LRRC37A2: variants seen among roughly 807,000 people sequenced by gnomAD.
LRRC37A2 encodes leucine-rich repeat-containing protein 37A2.
In LRRC37A2, 9 loss-of-function variants were observed where a neutral mutation model predicts 68.8. The ratio of observed to expected loss-of-function variants is 0.13; its 90% CI spans 0.08 to 0.23. The LOEUF is 0.23. LRRC37A2 is among the 10% of genes least tolerant of loss of function. The pLI is 1.00. For missense variants in LRRC37A2, 168 were observed against 950.4 expected, an observed-to-expected ratio of 0.18 and a Z score of 10.82; for synonymous variants, 63 against 367.6, an observed-to-expected ratio of 0.17 and a Z score of 9.48.
chr17:47,025,488 A>G, the LRRC37A2 span, among the ~76,000 whole-genome samples: 1 of 152,202 alleles, frequency 6.6e-6, no homozygotes, highest in African/African-American at 2.4e-5. Context: ...GAATTGTTAT[A>G]TTAATACAGA....
the LRRC37A2 span, among the ~76,000 whole-genome samples, chr17:46,780,776 C>CA: frequency 5.4e-5 from 8 of 147,774 alleles, no homozygotes; most frequent in Non-Finnish European, 1.0e-4. Flanking sequence ...GACTCTGTTT[C>CA]AAAAAAAAAG....
At chr17:46,984,853 G>T in the LRRC37A2 span, among the ~76,000 whole-genome samples, 1 of 152,180 alleles carries the variant, frequency 6.6e-6, no homozygotes, top group Non-Finnish European at 1.5e-5. Flanking sequence ...ATATTCAACT[G>T]TAAACCACCC....
chr17:46,790,336 C>T, the LRRC37A2 span, among the ~76,000 whole-genome samples: 1 of 152,172 alleles, frequency 6.6e-6, no homozygotes, highest in Non-Finnish European at 1.5e-5. Flanking sequence ...CATTGGTTCT[C>T]ATCCCTGGCT....
At chr17:46,998,553 C>A in the LRRC37A2 span, 1 of 152,230 alleles carries the variant, frequency 6.6e-6, no homozygotes. Flanking sequence ...TTCTGCAGAA[C>A]CCAGAACAGG....
At chr17:46,953,791 G>C in the LRRC37A2 span, among the ~76,000 whole-genome samples, 1 of 152,226 alleles carries the variant, frequency 6.6e-6, no homozygotes, top group South Asian at 2.1e-4. Context: ...GATGGCCAGT[G>C]ATGATGAGCA....
chr17:46,770,533 G>A, the LRRC37A2 span, among the ~76,000 whole-genome samples: 2 of 152,074 alleles, frequency 1.3e-5, no homozygotes, highest in Non-Finnish European at 2.9e-5. Flanking sequence ...CACCCCTTCC[G>A]CACGTGGATG....
chr17:46,894,151 G>A, the LRRC37A2 span, among the ~76,000 whole-genome samples: 2 of 152,148 alleles, frequency 1.3e-5, no homozygotes, highest in Non-Finnish European at 2.9e-5. Context: ...GGGTTGCGAT[G>A]GTATAACAAA....
the LRRC37A2 span, among the ~76,000 whole-genome samples, chr17:46,915,764 T>A: frequency 1.3e-5 from 2 of 152,234 alleles, no homozygotes; most frequent in African/African-American, 4.8e-5. Flanking sequence ...CCTGAGGCGG[T>A]TCAGGGCTCA....
At chr17:46,707,357 T>G in the LRRC37A2 span, among the ~76,000 whole-genome samples, 1 of 152,246 alleles carries the variant, frequency 6.6e-6, no homozygotes, top group Non-Finnish European at 1.5e-5. Flanking sequence ...TATACTCTTT[T>G]TTTCTCAATT....
the LRRC37A2 span, among the ~76,000 whole-genome samples, chr17:46,739,320 G>A: frequency 1.6e-4 from 22 of 138,026 alleles, no homozygotes; most frequent in African/African-American, 2.7e-4. Context: ...GCAGCGAGCC[G>A]AGATCGCGCC....
chr17:46,896,402 G>GAAA, the LRRC37A2 span, among the ~76,000 whole-genome samples: 30 of 64,770 alleles, frequency 4.6e-4, no homozygotes, highest in African/African-American at 3.5e-3. Flanking sequence ...GAGAAAGAAA[G>GAAA]AAAGAAAGAA....
At chr17:46,790,470 G>A in the LRRC37A2 span, among the ~76,000 whole-genome samples, 1 of 151,996 alleles carries the variant, frequency 6.6e-6, no homozygotes, top group South Asian at 2.1e-4. Context: ...CCTCAAGGTT[G>A]AGAAGCACTG....
the LRRC37A2 span, among the ~76,000 whole-genome samples, chr17:46,981,894 G>C: frequency 6.6e-6 from 1 of 151,948 alleles, no homozygotes; most frequent in African/African-American, 2.4e-5. Context: ...TTCAGACAGG[G>C]TCTCACTATG....
chr17:46,802,972 T>A, the LRRC37A2 span, among the ~76,000 whole-genome samples: 1 of 152,166 alleles, frequency 6.6e-6, no homozygotes, highest in African/African-American at 2.4e-5. Flanking sequence ...CAGGAGCACA[T>A]GTAAAGCAGC....
At chr17:46,880,608 TC>T in the LRRC37A2 span, among the ~76,000 whole-genome samples, 1 of 152,154 alleles carries the variant, frequency 6.6e-6, no homozygotes, top group African/African-American at 2.4e-5. Flanking sequence ...TTGGACATGG[TC>T]CCCGTAATGG....
the LRRC37A2 span, among the ~76,000 whole-genome samples, chr17:46,805,255 T>C: frequency 1.3e-5 from 2 of 150,472 alleles, no homozygotes; most frequent in Non-Finnish European, 3.0e-5. Context: ...AAGAGTAATG[T>C]AGGGAGATGC....
chr17:46,708,181 T>C, the LRRC37A2 span, among the ~76,000 whole-genome samples: 1 of 152,210 alleles, frequency 6.6e-6, no homozygotes, highest in African/African-American at 2.4e-5. Context: ...TTCAAGACCC[T>C]GTTTTTAGTT....
the LRRC37A2 span, among the ~76,000 whole-genome samples, chr17:46,779,053 TCACACACACACACACACACA>T: frequency 7.9e-5 from 8 of 100,668 alleles, no homozygotes; most frequent in African/African-American, 2.7e-4. Context: ...CCCTACCCCA[TCACACACACACACACACACA>T]CACACACACA....
the LRRC37A2 span, chr17:46,955,820 C>T: frequency 6.6e-6 from 1 of 152,210 alleles, no homozygotes; most frequent in Non-Finnish European, 1.5e-5. Context: ...GTGTGTGTGT[C>T]TCATCTCTCT....
Sources: gnomAD v4.1 joint callset for allele counts (sites outside exome capture counted in the v4.1 genomes callset) on GRCh38, gnomAD v4.1.1 for gene constraint, MANE v1.5 for transcripts, NCBI Gene and HGNC (gene_info 2026-07-23, HGNC 2026-07-21) for gene names.